The following TTC27 variants were observed in gnomAD, a reference collection of about 807,000 sequenced individuals.
TTC27 encodes tetratricopeptide repeat protein 27.
TTC27 carries 79 observed loss-of-function variants against 115.9 expected under a neutral mutation model. That is an observed-to-expected ratio of 0.68 (90% CI 0.57 to 0.82). The LOEUF is 0.82. Among genes scored for constraint, TTC27 ranks in the 40% least tolerant of loss-of-function variants. The probability of loss-of-function intolerance (pLI) is 0.00; values close to 1 mark genes in which losing one functional copy is unlikely to be tolerated. For synonymous variants in TTC27, 401 were observed against 356.0 expected (o/e 1.13, Z -1.42); for missense variants, 1,054 against 993.1 (o/e 1.06, Z -0.82).
At position 32,811,027 on chromosome 2, in the gene TTC27, C is replaced by T. The variant is rs750055532; in HGVS notation, c.2002C>T (p.Leu668Phe). The T allele has an allele frequency of 6.2e-7, 1 of 1,614,006 alleles. No homozygotes were observed. The part of the protein sequence containing the change: ...LRDKYKDVQV[L>F]KILVRAVIDG... ...GTTTGTTCTGTGCATTTTTAAGGTC[C>T]TTAAAATTCTAGTCAGGGCAGTGAT... is the stretch of plus-strand genomic sequence containing the variant. Residue 668 changes from leucine (L) to phenylalanine (F), a missense_variant, in exon 17 of 20, where the codon CTT becomes TTT. Transcript: ENST00000317907.
chr2:32,633,590 G>C (rs901804560), intron 2 of TTC27, among the ~76,000 whole-genome samples: 14 of 152,040 alleles, frequency 9.2e-5, no homozygotes, highest in Admixed American at 9.2e-4. Flanking sequence ...TTTTTGTAGA[G>C]ACAGGGTCTC....
At chr2:32,763,141 A>C (rs1669505321) in intron 13 of TTC27, among the ~76,000 whole-genome samples, 2 of 152,236 alleles carry the variant, frequency 1.3e-5, no homozygotes, top group African/African-American at 4.8e-5. Flanking sequence ...TTATGTGAAA[A>C]TATTTTGGAG....
At chr2:32,820,691 C>A in intron 19 of TTC27, 125 bp from the exon 20 acceptor site, 1 of 838,858 alleles carries the variant, frequency 1.2e-6, no homozygotes, top group Non-Finnish European at 1.6e-6. Context: ...AAAAATGCTA[C>A]CATTGCTATT....
At chr2:32,777,405 G>A (rs531881541) in intron 13 of TTC27, among the ~76,000 whole-genome samples, 4 of 152,304 alleles carry the variant, frequency 2.6e-5, no homozygotes, top group African/African-American at 7.2e-5. Context: ...TATGACTTAT[G>A]TACATCCTCC....
intron 19 of TTC27, among the ~76,000 whole-genome samples, 180 bp from the exon 20 acceptor site, chr2:32,820,636 C>G (rs1671664216): frequency 6.6e-6 from 1 of 152,056 alleles, no homozygotes. Flanking sequence ...TTTGATTCAC[C>G]CTTTAATTAT....
chr2:32,692,673 C>T (rs749821083), intron 9 of TTC27, among the ~76,000 whole-genome samples: 1 of 151,924 alleles, frequency 6.6e-6, no homozygotes, highest in Non-Finnish European at 1.5e-5. Flanking sequence ...TTTATGAGAT[C>T]TCTATACTAA....
rs1417563270 is a variant in TTC27, at chr2:32,811,123, A to T, written c.2098A>T (p.Arg700Ter). Residue 700 changes from arginine to a stop codon, truncating the protein, a stop_gained, in exon 17 of 20, where the codon AGA becomes TGA. Transcript: ENST00000317907. LOFTEE classifies it high-confidence loss of function. Reference sequence around the variant, plus strand: ...AGGAAAGCTGCAGGAGTTATTTGGCAGAGTGACTTCAAGAGTGACAAATGA... The same window carrying T: ...AGGAAAGCTGCAGGAGTTATTTGGCTGAGTGACTTCAAGAGTGACAAATGA... ...LKGKLQELFGRVTSRVTNDGE... is the reference protein window; with the variant it reads ...LKGKLQELFG 6.2e-7 allele frequency: 1 copy of T among 1,614,072 alleles called. No homozygotes were observed. The highest frequency in any genetic ancestry group is 1.3e-5 in the African/African-American group (1 of 74,926).
At chr2:32,713,397 C>T (rs1418537983) in intron 10 of TTC27, among the ~76,000 whole-genome samples, 1 of 152,136 alleles carries the variant, frequency 6.6e-6, no homozygotes, top group Non-Finnish European at 1.5e-5. Flanking sequence ...TCATATCAAA[C>T]TCCTTTCACA....
intron 18 of TTC27, among the ~76,000 whole-genome samples, chr2:32,815,223 A>ATTTTTTTTTTTTTTTTTTTTTTTT (rs533493768): frequency 5.4e-5 from 3 of 55,498 alleles, no homozygotes; most frequent in African/African-American, 1.9e-4. Flanking sequence ...GCTGCTTCAG[A>ATTTTTTTTTTTTTTTTTTTTTTTT]TTTTTTTTTT....
chr2:32,717,031 T>C (rs1160208587), intron 10 of TTC27, among the ~76,000 whole-genome samples: 2 of 150,720 alleles, frequency 1.3e-5, no homozygotes, highest in Non-Finnish European at 3.0e-5. Flanking sequence ...TTTGAGACAG[T>C]CTTACTCTGT....
intron 9 of TTC27, among the ~76,000 whole-genome samples, chr2:32,682,939 C>T (rs1324860551): frequency 2.1e-5 from 3 of 142,736 alleles, no homozygotes; most frequent in South Asian, 2.4e-4. Flanking sequence ...CTGCAAGCTC[C>T]GCCTCCCGGG....
chr2:32,775,731 A>T (rs1356644157), intron 13 of TTC27, among the ~76,000 whole-genome samples: 1 of 152,160 alleles, frequency 6.6e-6, no homozygotes, highest in Non-Finnish European at 1.5e-5. Context: ...TAGAAAAAAA[A>T]ATGTTGCCAA....
At chr2:32,728,344 A>G (rs1668181330) in intron 10 of TTC27, among the ~76,000 whole-genome samples, 1 of 152,060 alleles carries the variant, frequency 6.6e-6, no homozygotes, top group Non-Finnish European at 1.5e-5. Context: ...CCCGGCCAGG[A>G]CTGCCTCTTA....
intron 12 of TTC27, among the ~76,000 whole-genome samples, chr2:32,743,878 C>T (rs1668729145): frequency 6.6e-6 from 1 of 152,188 alleles, no homozygotes; most frequent in Admixed American, 6.5e-5. Context: ...TAAAGGAGTT[C>T]TCCTGTCGTT....
intron 16 of TTC27, among the ~76,000 whole-genome samples, chr2:32,802,867 C>A (rs866303951): frequency 1.2e-4 from 19 of 152,210 alleles, no homozygotes; most frequent in African/African-American, 4.6e-4. Context: ...ATTATAAAAA[C>A]AAGTTACAAG....
At chr2:32,671,520 G>A (rs975646087) in intron 7 of TTC27, among the ~76,000 whole-genome samples, 11 of 152,110 alleles carry the variant, frequency 7.2e-5, no homozygotes, top group Non-Finnish European at 1.6e-4. Flanking sequence ...ATATATGCAT[G>A]GGTCTAAAAT....
chr2:32,720,057 A>AG (rs1305669341), intron 10 of TTC27, among the ~76,000 whole-genome samples: 1 of 152,188 alleles, frequency 6.6e-6, no homozygotes, highest in Non-Finnish European at 1.5e-5. Context: ...TTCACTTCTT[A>AG]GGTAGACTGC....
chr2:32,673,580 T>C (rs1292827741), intron 8 of TTC27, among the ~76,000 whole-genome samples: 3 of 152,190 alleles, frequency 2.0e-5, no homozygotes, highest in Admixed American at 6.5e-5. Context: ...GTTATTCTCA[T>C]TGCATCCTAG....
chr2:32,647,794 C>G (rs1288717518), intron 4 of TTC27, among the ~76,000 whole-genome samples: 5 of 151,716 alleles, frequency 3.3e-5, no homozygotes, highest in Non-Finnish European at 3.0e-5. Context: ...GCTATGATGA[C>G]TCCTGTAAAT....
Sources: gnomAD v4.1 joint callset for allele counts (sites outside exome capture counted in the v4.1 genomes callset) on GRCh38, gnomAD v4.1.1 for gene constraint, MANE v1.5 for transcripts, NCBI Gene and HGNC (gene_info 2026-07-23, HGNC 2026-07-21) for gene names.